Variants in HS6ST3 observed in about 807,000 individuals in gnomAD.
The protein encoded by HS6ST3 is heparan-sulfate 6-O-sulfotransferase 3.
HS6ST3 carries 12 observed loss-of-function variants against 36.7 expected under a neutral mutation model. The ratio of observed to expected loss-of-function variants is 0.33; its 90% CI spans 0.21 to 0.53. HS6ST3 has a LOEUF of 0.53. Among genes scored for constraint, HS6ST3 ranks in the 20% least tolerant of loss-of-function variants. The probability of loss-of-function intolerance (pLI) is 0.95; values close to 1 mark genes in which losing one functional copy is unlikely to be tolerated. For synonymous variants in HS6ST3, 240 were observed against 257.5 expected, an observed-to-expected ratio of 0.93 and a Z score of 0.65; for missense variants, 584 against 640.9, an observed-to-expected ratio of 0.91 and a Z score of 0.96.
chr13:96,642,942 G>A (rs148686535), intron 1 of HS6ST3, among the ~76,000 whole-genome samples: 279 of 151,842 alleles, frequency 1.8e-3, no homozygotes, highest in African/African-American at 6.5e-3. Flanking sequence ...CCTGTGTTTA[G>A]GCTCTCCTTT....
chr13:96,352,016 G>T (rs1395340535), intron 1 of HS6ST3, among the ~76,000 whole-genome samples: 1 of 152,172 alleles, frequency 6.6e-6, no homozygotes, highest in Non-Finnish European at 1.5e-5. Flanking sequence ...AAGATTTAAA[G>T]TATCTACTAA....
At chr13:96,703,326 A>G (rs2138454495) in intron 1 of HS6ST3, among the ~76,000 whole-genome samples, 1 of 152,294 alleles carries the variant, frequency 6.6e-6, no homozygotes, top group South Asian at 2.1e-4. Flanking sequence ...GGCACTGAGA[A>G]TTTTTAGTGT....
intron 1 of HS6ST3, among the ~76,000 whole-genome samples, chr13:96,564,862 G>C (rs1173210720): frequency 6.6e-6 from 1 of 152,124 alleles, no homozygotes; most frequent in East Asian, 1.9e-4. Context: ...AAATCCATGA[G>C]AGACTATCTA....
chr13:96,570,954 A>T (rs1410904412), intron 1 of HS6ST3, among the ~76,000 whole-genome samples: 3 of 152,128 alleles, frequency 2.0e-5, no homozygotes, highest in Non-Finnish European at 4.4e-5. Flanking sequence ...CTGTGTGTGG[A>T]TGAGAGAAGG....
chr13:96,201,207 G>A (rs905017175), intron 1 of HS6ST3, among the ~76,000 whole-genome samples: 5 of 152,122 alleles, frequency 3.3e-5, no homozygotes, highest in Admixed American at 6.6e-5. Flanking sequence ...CCTGATTTAA[G>A]TGGTGAAATT....
chr13:96,254,492 TATATATACACATACATAC>T (rs1373837204), intron 1 of HS6ST3, among the ~76,000 whole-genome samples: 2,171 of 24,648 alleles, frequency 0.088, 272 homozygotes, highest in Non-Finnish European at 0.11. Context: ...TATATATATA[TATATATACACATACATAC>T]ACACACACAC....
Position 96,495,683 on chromosome 13 carries a change from G to A in HS6ST3, c.708-336807G>A, listed in dbSNP as rs75491658. Among the ~76,000 whole-genome samples the A allele has an allele frequency of 5.6e-3, 855 of 152,276 alleles. 8 individuals carry two copies. The highest frequency in any genetic ancestry group is 0.02 in the African/African-American group (826 of 41,560). On this transcript the variant is annotated intron_variant, in intron 1 of 1. Coordinates refer to ENST00000376705, the MANE Select transcript of HS6ST3 (RefSeq NM_153456.4). The stretch of plus-strand genomic sequence containing the variant: ...ATCATTCTAGCCTGGGGCAAGGGGA[G>A]TGTAATTGATGTGACTTCATAGGGC...
chr13:96,152,418 A>C (rs1477121377), intron 1 of HS6ST3, among the ~76,000 whole-genome samples: 1 of 149,222 alleles, frequency 6.7e-6, no homozygotes, highest in Non-Finnish European at 1.5e-5. Flanking sequence ...GCTCACTGCA[A>C]GCTCCGCCTC....
intron 1 of HS6ST3, among the ~76,000 whole-genome samples, chr13:96,094,743 G>T (rs553052612): frequency 6.6e-6 from 1 of 152,252 alleles, no homozygotes; most frequent in Non-Finnish European, 1.5e-5. Context: ...GCAGGACCCC[G>T]GGCTGGTGGT....
intron 1 of HS6ST3, among the ~76,000 whole-genome samples, chr13:96,385,254 A>G (rs1378640768): frequency 6.6e-6 from 1 of 152,168 alleles, no homozygotes; most frequent in Non-Finnish European, 1.5e-5. Context: ...CTAGCTCCAA[A>G]GAAAGAATAT....
chr13:96,424,681 A>G (rs74106453), intron 1 of HS6ST3, among the ~76,000 whole-genome samples: 1,836 of 152,244 alleles, frequency 0.012, 31 homozygotes, highest in African/African-American at 0.042. Flanking sequence ...AGTTTTCTCC[A>G]GCCTCTTTTA....
chr13:96,730,836 C>A (rs59172039), intron 1 of HS6ST3, among the ~76,000 whole-genome samples: 16,519 of 152,112 alleles, frequency 0.11, 962 homozygotes, highest in Admixed American at 0.17. Context: ...CAGGCTCAAG[C>A]AATCCTCCCA....
intron 1 of HS6ST3, among the ~76,000 whole-genome samples, chr13:96,494,732 C>G (rs192773751): frequency 6.6e-6 from 1 of 152,058 alleles, no homozygotes; most frequent in African/African-American, 2.4e-5. Flanking sequence ...CCTTTCAGCA[C>G]GTCTTCGGTA....
intron 1 of HS6ST3, among the ~76,000 whole-genome samples, chr13:96,432,262 A>G (rs1270641592): frequency 1.3e-5 from 2 of 152,202 alleles, no homozygotes; most frequent in Non-Finnish European, 2.9e-5. Context: ...GAAATATGCA[A>G]ATTACCTCAG....
At chr13:96,574,607 G>A (rs548985464) in intron 1 of HS6ST3, 29 of 225,826 alleles carry the variant, frequency 1.3e-4, no homozygotes, top group African/African-American at 6.5e-4. Context: ...CTTCTATTAC[G>A]GCACCATTTT....
intron 1 of HS6ST3, among the ~76,000 whole-genome samples, chr13:96,451,484 CT>C (rs1156268337): frequency 6.6e-6 from 1 of 152,148 alleles, no homozygotes; most frequent in Non-Finnish European, 1.5e-5. Context: ...AATTCAGATG[CT>C]GCACTTCAGG....
chr13:96,220,722 A>G (rs777123577), intron 1 of HS6ST3, among the ~76,000 whole-genome samples: 8 of 152,224 alleles, frequency 5.3e-5, no homozygotes, highest in African/African-American at 1.9e-4. Context: ...GCTGAGCCCT[A>G]TGATGTAAAT....
chr13:96,192,769 T>C, intron 1 of HS6ST3, among the ~76,000 whole-genome samples: 1 of 152,130 alleles, frequency 6.6e-6, no homozygotes, highest in Middle Eastern at 3.2e-3. Flanking sequence ...TTTGGGTAGA[T>C]ACTCAATAAT....
At chr13:96,398,595 A>T (rs1168873246) in intron 1 of HS6ST3, among the ~76,000 whole-genome samples, 1 of 152,090 alleles carries the variant, frequency 6.6e-6, no homozygotes, top group Non-Finnish European at 1.5e-5. Context: ...GTTGCATTTT[A>T]AAAAATTGAC....
Sources: allele counts gnomAD v4.1 joint callset (sites outside exome capture counted in the v4.1 genomes callset), GRCh38; gene constraint gnomAD v4.1.1; transcripts MANE v1.5; gene names NCBI Gene and HGNC (gene_info 2026-07-23, HGNC 2026-07-21).